Variants in NCR1 observed in about 807,000 individuals in gnomAD.
NCR1 encodes the protein NK cell-activating receptor.
Under a neutral mutation model 32.5 loss-of-function variants are expected in NCR1, and 30 were observed. That is an observed-to-expected ratio of 0.92 (90% CI 0.69 to 1.25). The LOEUF (loss-of-function observed/expected upper bound fraction) is 1.25. NCR1 is among the 50% of genes most tolerant of loss of function. The pLI is 0.00. For missense variants in NCR1, 369 were observed against 380.7 expected, an observed-to-expected ratio of 0.97 and a Z score of 0.26; for synonymous variants, 169 against 143.4, an observed-to-expected ratio of 1.18 and a Z score of -1.28.
chr19:54,937,996 G>T, the NCR1 span: 2 of 1,409,836 alleles, frequency 1.4e-6, no homozygotes, highest in Non-Finnish European at 2.0e-6. Flanking sequence ...AGTACAAGAA[G>T]CTTAGTCATC....
chr19:54,912,138 T>C, intron 5 of NCR1, 30 bp from the exon 6 acceptor site: 1 of 1,606,526 alleles, frequency 6.2e-7, no homozygotes, highest in Non-Finnish European at 8.5e-7. Context: ...GTCAAAACCA[T>C]CCTCTTTTCT....
downstream of NCR1, among the ~76,000 whole-genome samples, chr19:54,920,155 C>G (rs961515054): frequency 1.3e-5 from 2 of 152,182 alleles, no homozygotes; most frequent in Non-Finnish European, 2.9e-5. Context: ...GGGTGCCTTG[C>G]CGCCCACAAT....
the NCR1 span, among the ~76,000 whole-genome samples, chr19:54,926,628 A>C: frequency 0.085 from 12,923 of 151,854 alleles, 612 homozygotes; most frequent in East Asian, 0.15. Flanking sequence ...AAAAACTACA[A>C]AAATTGGCCA....
At chr19:54,917,404 C>T (rs988756765), downstream of NCR1, among the ~76,000 whole-genome samples, 1 of 151,924 alleles carries the variant, frequency 6.6e-6, no homozygotes, top group African/African-American at 2.4e-5. Flanking sequence ...ACTGCAACCT[C>T]TGCCTGCTGG....
chr19:54,903,379 T>TATATATAC (rs2067348943), upstream of NCR1, among the ~76,000 whole-genome samples: 11 of 127,240 alleles, frequency 8.6e-5, no homozygotes, highest in African/African-American at 3.1e-4. Context: ...TATATACATG[T>TATATATAC]ATGTATATAC....
downstream of NCR1, among the ~76,000 whole-genome samples, chr19:54,918,071 G>A (rs189941786): frequency 1.1e-4 from 16 of 151,028 alleles, no homozygotes; most frequent in East Asian, 3.2e-3. Flanking sequence ...ATTCTCCTGG[G>A]ACTACAGGCG....
chr19:54,901,513 G>C (rs1024157262), upstream of NCR1, among the ~76,000 whole-genome samples: 1 of 151,930 alleles, frequency 6.6e-6, no homozygotes, highest in Non-Finnish European at 1.5e-5. Context: ...TGGGCTTAAG[G>C]CTGAATTAAA....
intron 5 of NCR1, among the ~76,000 whole-genome samples, chr19:54,911,705 A>G (rs911665181): frequency 3.3e-5 from 5 of 152,158 alleles, no homozygotes; most frequent in African/African-American, 7.2e-5. Context: ...AGCTGAGATC[A>G]CACCACTGTA....
chr19:54,903,324 A>ATGTATG (rs1433997275), upstream of NCR1, among the ~76,000 whole-genome samples: 57 of 131,744 alleles, frequency 4.3e-4, 2 homozygotes, highest in Admixed American at 1.2e-3. Flanking sequence ...ATACATGTAT[A>ATGTATG]TATACATGTA....
chr19:54,926,205 G>GGTGTGTGTGTGTGTGTGT, the NCR1 span, among the ~76,000 whole-genome samples: 91 of 143,740 alleles, frequency 6.3e-4, 1 homozygote, highest in East Asian at 2.6e-3. Flanking sequence ...AATGATTAGG[G>GGTGTGTGTGTGTGTGTGT]GTGTGTGTGT....
the NCR1 span, among the ~76,000 whole-genome samples, chr19:54,936,599 A>G: frequency 1.3e-5 from 2 of 150,164 alleles, no homozygotes. Context: ...AGGCAGGAGG[A>G]TAACCTGAGG....
downstream of NCR1, among the ~76,000 whole-genome samples, chr19:54,917,121 G>A (rs979401006): frequency 3.3e-5 from 5 of 151,522 alleles, no homozygotes; most frequent in East Asian, 2.0e-4. Context: ...TGGCTTTCTC[G>A]GACACTTCTT....
At chr19:54,907,477 A>C (rs2067694380) in intron 3 of NCR1, among the ~76,000 whole-genome samples, 1 of 108,258 alleles carries the variant, frequency 9.2e-6, no homozygotes, top group African/African-American at 3.4e-5. Flanking sequence ...AAAAAAAAAA[A>C]AAATTAGCTT....
the NCR1 span, chr19:54,936,254 G>C: frequency 6.2e-7 from 1 of 1,612,080 alleles, no homozygotes; most frequent in Non-Finnish European, 8.5e-7. Context: ...GTGACCGTGA[G>C]ACCCACCTCA....
intron 4 of NCR1, 147 bp from the exon 5 acceptor site, chr19:54,909,871 G>T: frequency 1.5e-6 from 1 of 660,166 alleles, no homozygotes; most frequent in Non-Finnish European, 2.5e-6. Flanking sequence ...GGAGGCGGGG[G>T]TTGTAGTGAA....
chr19:54,916,466 G>C (rs942178791), downstream of NCR1, among the ~76,000 whole-genome samples: 1 of 148,688 alleles, frequency 6.7e-6, no homozygotes. Flanking sequence ...CTACAAGTGC[G>C]TGCCACCACG....
downstream of NCR1, among the ~76,000 whole-genome samples, chr19:54,914,317 C>T (rs1026936741): frequency 1.3e-5 from 2 of 151,412 alleles, no homozygotes; most frequent in South Asian, 2.1e-4. Context: ...CCCACTAACT[C>T]GTCATTTAAC....
downstream of NCR1, among the ~76,000 whole-genome samples, chr19:54,919,804 G>T (rs983997910): frequency 6.9e-6 from 1 of 145,194 alleles, no homozygotes; most frequent in African/African-American, 2.5e-5. Context: ...ACCATGATCC[G>T]CTTGGTGACG....
chr19:54,898,247 G>A, the NCR1 span, among the ~76,000 whole-genome samples: 8 of 152,312 alleles, frequency 5.3e-5, no homozygotes, highest in Non-Finnish European at 7.4e-5. Context: ...TGAACAGTCC[G>A]ATTTTCAGTG....
Sources: gnomAD v4.1 joint callset for allele counts (sites outside exome capture counted in the v4.1 genomes callset) on GRCh38, gnomAD v4.1.1 for gene constraint, MANE v1.5 for transcripts, NCBI Gene and HGNC (gene_info 2026-07-23, HGNC 2026-07-21) for gene names.